ADAMTS17: variants seen among roughly 807,000 people sequenced by gnomAD.
ADAMTS17 encodes the protein ADAM metallopeptidase with thrombospondin type 1 motif 17.
Under a neutral mutation model 141.5 loss-of-function variants are expected in ADAMTS17, and 113 were observed. The ratio of observed to expected loss-of-function variants is 0.80; its 90% CI spans 0.69 to 0.93. ADAMTS17 has a LOEUF of 0.93. Ranked by LOEUF, ADAMTS17 falls within the 40% of genes least tolerant of loss-of-function variation. The pLI is 0.00. For synonymous variants in ADAMTS17, 768 were observed against 630.6 expected, an observed-to-expected ratio of 1.22 and a Z score of -3.27; for missense variants, 1,659 against 1,517.9, an observed-to-expected ratio of 1.09 and a Z score of -1.54.
In ADAMTS17 at chr15:100,058,533, G is replaced by A. The variant is rs559846803; in HGVS notation, c.2138-4479C>T. On this transcript the variant is annotated intron_variant, in intron 15 of 21. Transcript: ENST00000268070. ...AAGTAAAACATCTGGGAAGTCAAGA[G>A]TGAAAAGGCCCAAAAAAGGGCAGGA... Among the ~76,000 whole-genome samples, 3 of 152,352 alleles carry A rather than the reference G, an allele frequency of 2.0e-5. No homozygotes were observed. In the South Asian group the frequency reaches 6.2e-4, roughly 32 times the overall value.
intron 20 of ADAMTS17, among the ~76,000 whole-genome samples, chr15:99,986,658 A>G (rs945507837): frequency 2.6e-5 from 4 of 152,196 alleles, no homozygotes; most frequent in Non-Finnish European, 4.4e-5. Context: ...CTTTAAAAAC[A>G]TCATCCATTA....
chr15:100,161,558 G>C (rs1012737633), intron 8 of ADAMTS17, among the ~76,000 whole-genome samples: 1 of 152,208 alleles, frequency 6.6e-6, no homozygotes, highest in South Asian at 2.1e-4. Context: ...TGACTTTGCA[G>C]TAACTGGAAT....
At chr15:100,097,716 G>C (rs918212355) in intron 14 of ADAMTS17, among the ~76,000 whole-genome samples, 4 of 152,234 alleles carry the variant, frequency 2.6e-5, no homozygotes, top group South Asian at 2.1e-4. Flanking sequence ...AGCAGGTCTG[G>C]GTGCACCTGA....
chr15:100,025,215 T>C (rs925635655), intron 18 of ADAMTS17, among the ~76,000 whole-genome samples: 1 of 152,200 alleles, frequency 6.6e-6, no homozygotes, highest in South Asian at 2.1e-4. Context: ...CCTTGCCACA[T>C]TTAATGCTTT....
chr15:100,266,273 C>T (rs773579514), intron 4 of ADAMTS17, among the ~76,000 whole-genome samples: 30 of 152,192 alleles, frequency 2.0e-4, no homozygotes, highest in Admixed American at 3.3e-4. Flanking sequence ...ACCGCCACCC[C>T]AACCAAAGGA....
chr15:100,340,992 G>C (rs535840188), intron 2 of ADAMTS17, 47 bp downstream of exon 2: 5 of 1,507,740 alleles, frequency 3.3e-6, no homozygotes, highest in Non-Finnish European at 4.4e-6. Context: ...ACCACTCTGC[G>C]TCGCAACAGA....
At chr15:100,225,809 CTGT>C (rs1287496209) in intron 7 of ADAMTS17, among the ~76,000 whole-genome samples, 5 of 149,586 alleles carry the variant, frequency 3.3e-5, no homozygotes, top group African/African-American at 1.2e-4. Flanking sequence ...TGTGCCCACT[CTGT>C]CCTTACAGCA....
intron 20 of ADAMTS17, among the ~76,000 whole-genome samples, chr15:99,977,375 TATATATATATATATATATATATATAA>T (rs1567632169): frequency 0.03 from 581 of 19,672 alleles, 65 homozygotes; most frequent in Non-Finnish European, 0.038. Context: ...TATATATATA[TATATATATATATATATATATATATAA>T]TTTTTTTTTT....
rs145832551 is a variant in ADAMTS17 at position 99,981,965 on chromosome 15, G to A, written c.2950-5743C>T. 3.6e-4 allele frequency among the ~76,000 whole-genome samples: 55 copies of A among 152,352 alleles called. No homozygotes were observed. In the East Asian group the frequency reaches 0.01, roughly 28 times the overall value. On this transcript the variant is annotated intron_variant, in intron 20 of 21. Coordinates refer to ENST00000268070, the MANE Select transcript of ADAMTS17 (RefSeq NM_139057.4). ...TTTGATGGAGAGGCCATGCAGTGCG[G>A]GGTGTCAGGCGGCAGGGGGAAGGGG...
chr15:100,095,468 T>C (rs2035700921), intron 15 of ADAMTS17, among the ~76,000 whole-genome samples: 1 of 152,056 alleles, frequency 6.6e-6, no homozygotes, highest in East Asian at 1.9e-4. Flanking sequence ...CAGGGAGGCA[T>C]AAATGTGCTT....
chr15:100,045,432 A>T (rs1585932), intron 18 of ADAMTS17, among the ~76,000 whole-genome samples: 11 of 152,096 alleles, frequency 7.2e-5, no homozygotes, highest in Middle Eastern at 3.4e-3. Context: ...TTTTTGTTTT[A>T]GTAGGCAGCT....
chr15:100,092,970 A>ACAC (rs1203811016), intron 15 of ADAMTS17, among the ~76,000 whole-genome samples: 2 of 152,240 alleles, frequency 1.3e-5, no homozygotes, highest in African/African-American at 4.8e-5. Flanking sequence ...TGAAAGCATC[A>ACAC]TACTCAAATT....
At chr15:100,099,648 T>C (rs74037359) in intron 14 of ADAMTS17, among the ~76,000 whole-genome samples, 9,133 of 152,234 alleles carry the variant, frequency 0.06, 491 homozygotes, top group South Asian at 0.16. Context: ...CAGCATTTGC[T>C]GGTCGCGCCC....
intron 15 of ADAMTS17, among the ~76,000 whole-genome samples, chr15:100,070,208 T>C (rs2033866299): frequency 6.7e-6 from 1 of 150,088 alleles, no homozygotes; most frequent in East Asian, 1.9e-4. Flanking sequence ...TAAATATATA[T>C]GCACCCAATA....
chr15:100,056,926 G>A (rs1032534881), intron 15 of ADAMTS17, among the ~76,000 whole-genome samples: 6 of 152,096 alleles, frequency 3.9e-5, no homozygotes, highest in African/African-American at 1.2e-4. Context: ...TGCCTCCGGG[G>A]CCTGGGAATG....
At chr15:100,271,464 T>TTTTAATTCCA (rs1475716115) in intron 4 of ADAMTS17, among the ~76,000 whole-genome samples, 4 of 152,338 alleles carry the variant, frequency 2.6e-5, no homozygotes, top group African/African-American at 7.2e-5. Context: ...TTTATTATAG[T>TTTTAATTCCA]TTTAATTTCC....
Position 100,159,063 on chromosome 15 carries a change from A to C in ADAMTS17, c.1182-3743T>G, listed in dbSNP as rs372460996. ...AGATGCTATGAAAAAAACAGTATGG[A>C]GGTTCCTCAAAAAATTAAAAATAAA... On this transcript the variant is annotated intron_variant, in intron 8 of 21. Transcript: ENST00000268070. 8.5e-5 allele frequency among the ~76,000 whole-genome samples: 13 copies of C among 152,348 alleles called. No homozygotes were observed. In the East Asian group the frequency reaches 2.3e-3, roughly 27 times the overall value.
chr15:100,065,701 A>T (rs555988386), intron 15 of ADAMTS17, among the ~76,000 whole-genome samples: 1 of 152,072 alleles, frequency 6.6e-6, no homozygotes, highest in South Asian at 2.1e-4. Flanking sequence ...CAGGTTAGGG[A>T]CATTCTCTTG....
At chr15:100,203,223 T>C (rs1262298445) in intron 7 of ADAMTS17, among the ~76,000 whole-genome samples, 2 of 152,132 alleles carry the variant, frequency 1.3e-5, no homozygotes, top group Non-Finnish European at 2.9e-5. Context: ...CCAACTCTAC[T>C]ATACCCCTGA....
Sources: allele counts gnomAD v4.1 joint callset (sites outside exome capture counted in the v4.1 genomes callset), GRCh38; gene constraint gnomAD v4.1.1; transcripts MANE v1.5; gene names NCBI Gene and HGNC (gene_info 2026-07-23, HGNC 2026-07-21).